The following SLC25A26 variants were observed in gnomAD, a reference collection of about 807,000 sequenced individuals.
SLC25A26 encodes solute carrier family 25 member 26, also known as mitochondrial S-adenosylmethionine carrier protein.
In SLC25A26, 36 loss-of-function variants were observed where a neutral mutation model predicts 37.8. The observed-to-expected ratio is 0.95, with a 90% CI of 0.73 to 1.26. SLC25A26 has a LOEUF of 1.26. SLC25A26 is among the 50% of genes most tolerant of loss of function. The probability of loss-of-function intolerance (pLI) is 0.00; values close to 1 mark genes in which losing one functional copy is unlikely to be tolerated. For missense variants in SLC25A26, 390 were observed against 331.1 expected, an observed-to-expected ratio of 1.18 and a Z score of -1.38; for synonymous variants, 129 against 122.5, an observed-to-expected ratio of 1.05 and a Z score of -0.35.
At chr3:66,274,494 C>G (rs1482761759) in intron 5 of SLC25A26, among the ~76,000 whole-genome samples, 2 of 152,078 alleles carry the variant, frequency 1.3e-5, no homozygotes, top group African/African-American at 4.8e-5. Flanking sequence ...TTGTTGCAAC[C>G]TACTTATCTG....
intron 5 of SLC25A26, among the ~76,000 whole-genome samples, chr3:66,301,069 T>A (rs2075062857): frequency 6.6e-6 from 1 of 152,216 alleles, no homozygotes; most frequent in African/African-American, 2.4e-5. Flanking sequence ...ATGATAGAAC[T>A]CATTGTGTCC....
intron 5 of SLC25A26, among the ~76,000 whole-genome samples, chr3:66,295,478 T>A (rs2074869109): frequency 6.7e-6 from 1 of 150,234 alleles, no homozygotes. Flanking sequence ...ATCGGCTTAC[T>A]GCAAGCTCCG....
At chr3:66,180,442 C>T (rs534655330) in intron 1 of SLC25A26, among the ~76,000 whole-genome samples, 1 of 152,210 alleles carries the variant, frequency 6.6e-6, no homozygotes, top group Non-Finnish European at 1.5e-5. Context: ...CTCCTTCAGA[C>T]CCACCAGCAT....
At chr3:66,249,372 A>G (rs958698076) in intron 3 of SLC25A26, among the ~76,000 whole-genome samples, 3 of 152,190 alleles carry the variant, frequency 2.0e-5, no homozygotes, top group South Asian at 2.1e-4. Flanking sequence ...TGGGGCAAAC[A>G]TGTTCTTATT....
chr3:66,166,906 G>T (rs2070432582), intron 1 of SLC25A26, among the ~76,000 whole-genome samples: 1 of 152,104 alleles, frequency 6.6e-6, no homozygotes, highest in African/African-American at 2.4e-5. Context: ...GGAGGTAATT[G>T]AATCATGGGG....
At chr3:66,164,827 C>G (rs1478998799) in intron 1 of SLC25A26, among the ~76,000 whole-genome samples, 1 of 152,168 alleles carries the variant, frequency 6.6e-6, no homozygotes, top group African/African-American at 2.4e-5. Context: ...GGGTTCTCTT[C>G]ACAACCCAGT....
chr3:66,326,128 T>C (rs2075831485), intron 5 of SLC25A26, among the ~76,000 whole-genome samples: 1 of 152,178 alleles, frequency 6.6e-6, no homozygotes, highest in Non-Finnish European at 1.5e-5. Flanking sequence ...AGTGGCCATA[T>C]TGGCTGAGCT....
intron 1 of SLC25A26, among the ~76,000 whole-genome samples, chr3:66,174,392 CT>C (rs1235897898): frequency 6.6e-6 from 1 of 152,198 alleles, no homozygotes; most frequent in Non-Finnish European, 1.5e-5. Flanking sequence ...TGACAAGGCT[CT>C]CATGAGAAAA....
intron 7 of SLC25A26, among the ~76,000 whole-genome samples, chr3:66,368,962 A>G (rs1700183769): frequency 6.8e-6 from 1 of 146,960 alleles, no homozygotes. Context: ...GTGAGGCTGC[A>G]GTGAGTTATG....
intron 3 of SLC25A26, among the ~76,000 whole-genome samples, chr3:66,247,856 G>C (rs1337306387): frequency 2.0e-5 from 3 of 152,014 alleles, no homozygotes; most frequent in African/African-American, 7.3e-5. Context: ...ATGGAAGTAT[G>C]GTTGCCAAGA....
At chr3:66,292,248 T>C (rs899488948) in intron 5 of SLC25A26, among the ~76,000 whole-genome samples, 20 of 152,216 alleles carry the variant, frequency 1.3e-4, no homozygotes, top group Non-Finnish European at 2.8e-4. Flanking sequence ...CTTCACTCTT[T>C]ATCCAGTGTG....
intron 3 of SLC25A26, among the ~76,000 whole-genome samples, chr3:66,256,822 G>A (rs1033237528): frequency 6.6e-6 from 1 of 152,194 alleles, no homozygotes; most frequent in African/African-American, 2.4e-5. Context: ...TTGGGCCCAG[G>A]ACTGAGGCTG....
chr3:66,288,775 C>T (rs572460442), intron 5 of SLC25A26, among the ~76,000 whole-genome samples: 6 of 152,084 alleles, frequency 3.9e-5, no homozygotes, highest in South Asian at 2.1e-4. Flanking sequence ...TGAATAGTGC[C>T]GCAATAAACA....
At chr3:66,328,420 C>T (rs2075891108) in intron 5 of SLC25A26, among the ~76,000 whole-genome samples, 1 of 152,150 alleles carries the variant, frequency 6.6e-6, no homozygotes, top group Non-Finnish European at 1.5e-5. Context: ...TAACACATTA[C>T]CTACTAATAA....
At chr3:66,282,205 G>A (rs2074369371) in intron 5 of SLC25A26, among the ~76,000 whole-genome samples, 1 of 151,706 alleles carries the variant, frequency 6.6e-6, no homozygotes, top group Admixed American at 6.6e-5. Context: ...TAGAGACGGG[G>A]TTTCACCTTG....
intron 1 of SLC25A26, among the ~76,000 whole-genome samples, chr3:66,204,799 T>C (rs1346477539): frequency 2.0e-5 from 3 of 152,178 alleles, no homozygotes; most frequent in African/African-American, 7.2e-5. Flanking sequence ...CTGCCGTGTG[T>C]ACAGTAGGCA....
At chr3:66,290,754 G>A (rs1356805488) in intron 5 of SLC25A26, among the ~76,000 whole-genome samples, 1 of 152,078 alleles carries the variant, frequency 6.6e-6, no homozygotes, top group Non-Finnish European at 1.5e-5. Flanking sequence ...ATGTTCATCG[G>A]GGTTATTGGC....
At chr3:66,167,820 C>T (rs1051067707) in intron 1 of SLC25A26, among the ~76,000 whole-genome samples, 19 of 152,012 alleles carry the variant, frequency 1.2e-4, no homozygotes, top group African/African-American at 2.9e-4. Flanking sequence ...AGATAATAAA[C>T]GGAAAGATCT....
At position 66,209,898 on chromosome 3, in the gene SLC25A26, T is replaced by TTATATA. The variant is rs1159734636; in HGVS notation, c.-353-10800_-353-10795dup. Among the ~76,000 whole-genome samples the TTATATA allele has an allele frequency of 9.5e-3, 364 of 38,422 alleles. 45 individuals carry two copies. Among genetic ancestry groups the TTATATA allele is most frequent in the Non-Finnish European group, 0.012 (234 of 19,804 alleles). 25.2% of individuals were successfully genotyped at this position (38,422 alleles called of 152,430 possible). ...TATACTCCTCTCTCTCTCTCTCTAT[T>TTATATA]TATATATATATATATATATATATAT... On this transcript the variant is annotated intron_variant, in intron 1 of 10. Coordinates refer to the SLC25A26 transcript ENST00000676754.
Sources: gnomAD v4.1 joint callset for allele counts (sites outside exome capture counted in the v4.1 genomes callset) on GRCh38, gnomAD v4.1.1 for gene constraint, MANE v1.5 for transcripts, NCBI Gene and HGNC (gene_info 2026-07-23, HGNC 2026-07-21) for gene names.